ARHGEF4: variants seen among roughly 807,000 people sequenced by gnomAD.
The protein encoded by ARHGEF4 is Rho guanine nucleotide exchange factor 4.
ARHGEF4 carries 119 observed loss-of-function variants against 162.0 expected under a neutral mutation model. That is an observed-to-expected ratio of 0.73 (90% CI 0.63 to 0.86). The LOEUF (loss-of-function observed/expected upper bound fraction) is 0.86, where lower values mean the gene tolerates loss of function less well. Among genes scored for constraint, ARHGEF4 ranks in the 40% least tolerant of loss-of-function variants. ARHGEF4 has a pLI of 0.00. For missense variants in ARHGEF4, 2,488 were observed against 2,456.0 expected, an observed-to-expected ratio of 1.01 and a Z score of -0.28; for synonymous variants, 1,014 against 979.9, an observed-to-expected ratio of 1.03 and a Z score of -0.65.
chr2:131,031,685 C>T (rs867817993), intron 5 of ARHGEF4, among the ~76,000 whole-genome samples: 7 of 152,218 alleles, frequency 4.6e-5, no homozygotes, highest in South Asian at 2.1e-4. Context: ...GGAATGCAGA[C>T]GCTGAGTGTT....
chr2:130,841,694 G>C (rs2104853504), intron 1 of ARHGEF4, among the ~76,000 whole-genome samples: 1 of 152,266 alleles, frequency 6.6e-6, no homozygotes, highest in South Asian at 2.1e-4. Context: ...AATGTTTCTT[G>C]GTGCTTCCGG....
Position 131,044,904 on chromosome 2 carries a change from G to A in ARHGEF4, c.5401+362G>A, listed in dbSNP as rs13400630. ...GACCTGCGGGACCCCTTTCCAGCCA[G>A]CAAAAGCCCTGGGAGAGCCTTGGAG... On this transcript the variant is annotated intron_variant, in intron 12 of 13. Coordinates refer to ENST00000409359, the MANE Select transcript of ARHGEF4 (RefSeq NM_001367493.1). Among the ~76,000 whole-genome samples the A allele has an allele frequency of 7.8e-3, 1,194 of 152,308 alleles. 17 individuals are homozygous for A. Among genetic ancestry groups the A allele is most frequent in the African/African-American group, 0.028 (1,150 of 41,558 alleles).
rs556536024 is a variant in ARHGEF4, at chr2:130,896,641, C to G, written c.40-17345C>G. On this transcript the variant is annotated intron_variant, in intron 1 of 13. Transcript: ENST00000409359. ...AAGCTGCAGAGAGTGGAGCTGAGCC[C>G]ATTTTCTTTCTATTTCCTCTACCAG... Among the ~76,000 whole-genome samples the G allele has an allele frequency of 3.3e-5, 5 of 152,302 alleles. No individual in the cohort carries two copies. In the East Asian group the frequency reaches 9.6e-4, roughly 29 times the overall value.
intron 2 of ARHGEF4, among the ~76,000 whole-genome samples, chr2:130,927,307 C>T (rs764458339): frequency 3.9e-5 from 6 of 152,090 alleles, no homozygotes; most frequent in Non-Finnish European, 7.3e-5. Context: ...CTCACTGACA[C>T]CAGGAAGAGG....
chr2:131,018,900 G>T lies in ARHGEF4; in HGVS notation c.3986-9045G>T, dbSNP rs138368672. ...TGTCGAAAATCAATTGACCACATATGGGAGGGTTTATTTCTGGATCCTCTA... is the reference window on the plus strand; with the variant it reads ...TGTCGAAAATCAATTGACCACATATTGGAGGGTTTATTTCTGGATCCTCTA... On this transcript the variant is annotated intron_variant, in intron 4 of 13. Transcript: ENST00000409359. 2.1e-4 allele frequency among the ~76,000 whole-genome samples: 32 copies of T among 152,272 alleles called. No individual in the cohort carries two copies. In the East Asian group the frequency reaches 6.0e-3, roughly 28 times the overall value.
In ARHGEF4 at chr2:130,946,697, C is replaced by G. The variant is rs189790939; in HGVS notation, c.3985+62C>G. On this transcript the variant is annotated intron_variant, in intron 4 of 13. Transcript: ENST00000409359. ...GGATCCTGGCATGAAGGACAAGAAGCTAGTGCTGTTGGCAGCTGTATCCAC... is the reference window on the plus strand; with the variant it reads ...GGATCCTGGCATGAAGGACAAGAAGGTAGTGCTGTTGGCAGCTGTATCCAC... 87 of 1,605,040 alleles carry G rather than the reference C, an allele frequency of 5.4e-5. No homozygotes were observed. In the African/African-American group the frequency reaches 1.1e-3, roughly 21 times the overall value.
rs968109368 is a variant in ARHGEF4, at chr2:130,957,961, A to G, written c.3985+11326A>G. ...GCAGCCTGAACTAAGGCATTTTACA[A>G]TGGGTAGATTTTAATGGTATGTAAT... On this transcript the variant is annotated intron_variant, in intron 4 of 13. Coordinates refer to ENST00000409359, the MANE Select transcript of ARHGEF4 (RefSeq NM_001367493.1). 7.2e-5 allele frequency among the ~76,000 whole-genome samples: 11 copies of G among 152,088 alleles called. No individual in the cohort carries two copies. The East Asian group carries it at 1.4e-3, about 19-fold the overall frequency.
chr2:130,878,103 A>C (rs1485781450), intron 1 of ARHGEF4, among the ~76,000 whole-genome samples: 1 of 152,202 alleles, frequency 6.6e-6, no homozygotes, highest in Non-Finnish European at 1.5e-5. Flanking sequence ...TTTCCTTAAA[A>C]GATAATAAAG....
In ARHGEF4 at chr2:131,040,042, G is replaced by T; in HGVS notation, c.4332G>T (p.Ala1444=). Residue 1444 remains alanine, a synonymous_variant, in exon 7 of 14, where the codon GCG becomes GCT. Transcript: ENST00000409359. ...VRLRVNQDEP[A]DDDAPLAGNS... ...TGAGGGTGAATCAGGACGAGCCCGC[G>T]GATGACGACGCCCCTCTGGCCGGGA... is the stretch of plus-strand genomic sequence containing the variant. The T allele has an allele frequency of 6.4e-7, 1 of 1,574,648 alleles. No individual in the cohort carries two copies. The highest frequency in any genetic ancestry group is 2.4e-5 in the East Asian group (1 of 42,030).
Position 130,915,673 on chromosome 2 carries a change from C to T in ARHGEF4, c.1727C>T (p.Pro576Leu). ...KAAEEAMVLD[P>L]NYREQALQGL... is the part of the protein sequence containing the mutation. ...GCCGAAGAAGCCATGGTTCTAGACC[C>T]CAACTACAGGGAACAGGCTTTGCAA... The change falls in exon 2 of 14, where the codon CCC becomes CTC. Residue 576 changes from proline to leucine, a missense_variant. Pro to Leu is a moderately conservative substitution (Grantham distance 98). Coordinates refer to ENST00000409359, the MANE Select transcript of ARHGEF4 (RefSeq NM_001367493.1). 1 of 1,550,432 alleles carries T rather than the reference C, an allele frequency of 6.4e-7. No individual in the cohort carries two copies. Among genetic ancestry groups the T allele is most frequent in the Non-Finnish European group, 8.7e-7 (1 of 1,146,958 alleles).
At chr2:130,889,105 C>CAAAA (rs70994719) in intron 1 of ARHGEF4, among the ~76,000 whole-genome samples, 1 of 124,750 alleles carries the variant, frequency 8.0e-6, no homozygotes. Flanking sequence ...AACTCCATCT[C>CAAAA]AAAAAAAAAA....
At chr2:130,978,171 C>T (rs1273118756) in intron 4 of ARHGEF4, among the ~76,000 whole-genome samples, 1 of 152,160 alleles carries the variant, frequency 6.6e-6, no homozygotes, top group Non-Finnish European at 1.5e-5. Flanking sequence ...CTATGGGACC[C>T]TCGGGCTGGT....
At chr2:130,907,951 T>C (rs1010411731) in intron 1 of ARHGEF4, among the ~76,000 whole-genome samples, 3 of 150,856 alleles carry the variant, frequency 2.0e-5, no homozygotes, top group Non-Finnish European at 4.4e-5. Context: ...AGCAAGACTC[T>C]GTCTCAAAAA....
At chr2:130,909,158 C>T (rs372729410) in intron 1 of ARHGEF4, among the ~76,000 whole-genome samples, 1 of 152,160 alleles carries the variant, frequency 6.6e-6, no homozygotes, top group East Asian at 1.9e-4. Flanking sequence ...AGCGTCATCC[C>T]ACTCCTCGGT....
At chr2:131,019,534 CT>C (rs949833734) in intron 4 of ARHGEF4, among the ~76,000 whole-genome samples, 1,903 of 142,268 alleles carry the variant, frequency 0.013, 33 homozygotes, top group African/African-American at 0.044. Flanking sequence ...TCTTTCTTTG[CT>C]TTTTTTTTTT....
chr2:130,973,162 A>C (rs1685476867), intron 4 of ARHGEF4, among the ~76,000 whole-genome samples: 1 of 152,256 alleles, frequency 6.6e-6, no homozygotes, highest in African/African-American at 2.4e-5. Flanking sequence ...GATGCAAATA[A>C]AAGAAGTAAA....
rs70994727 is a variant in ARHGEF4 at position 130,976,349 on chromosome 2, C to CTGTGTGTG, written c.3985+29728_3985+29735dup. Among the ~76,000 whole-genome samples the CTGTGTGTG allele has an allele frequency of 3.6e-3, 539 of 148,086 alleles. 4 individuals are homozygous for CTGTGTGTG. The highest frequency in any genetic ancestry group is 0.01 in the African/African-American group (409 of 39,608). On this transcript the variant is annotated intron_variant, in intron 4 of 13. Coordinates refer to ENST00000409359, the MANE Select transcript of ARHGEF4 (RefSeq NM_001367493.1). The stretch of plus-strand genomic sequence containing the variant: ...CCCAGAATCGTGTGTGTGTGTGTGT[C>CTGTGTGTG]TGTGTGTGTGTGTGTGTGTGTACAC...
At chr2:130,865,520 A>G (rs1559007202) in intron 1 of ARHGEF4, among the ~76,000 whole-genome samples, 2 of 152,088 alleles carry the variant, frequency 1.3e-5, no homozygotes. Context: ...CCTAGTCATC[A>G]TGGTTATTTT....
chr2:130,937,406 G>GTACTTTT (rs1683023161), intron 3 of ARHGEF4, among the ~76,000 whole-genome samples: 1 of 151,856 alleles, frequency 6.6e-6, no homozygotes, highest in Admixed American at 6.6e-5. Context: ...ATGTTACATT[G>GTACTTTT]AATTTTAATT....
Sources: gnomAD v4.1 joint callset for allele counts (sites outside exome capture counted in the v4.1 genomes callset) on GRCh38, gnomAD v4.1.1 for gene constraint, MANE v1.5 for transcripts, NCBI Gene and HGNC (gene_info 2026-07-23, HGNC 2026-07-21) for gene names.